Variants in CYFIP1 observed in about 807,000 individuals in gnomAD.
CYFIP1 encodes the protein cytoplasmic FMR1-interacting protein 1.
In CYFIP1, 58 loss-of-function variants were observed where a neutral mutation model predicts 163.5. That is an observed-to-expected ratio of 0.35 (90% CI 0.29 to 0.44). The LOEUF is 0.44. Ranked by LOEUF, CYFIP1 falls within the 20% of genes least tolerant of loss-of-function variation. The pLI is 1.00. For missense variants in CYFIP1, 1,338 were observed against 1,653.8 expected (o/e 0.81, Z 3.31); for synonymous variants, 663 against 660.7 (o/e 1.00, Z -0.05).
At chr15:22,874,676 G>T in intron 27 of CYFIP1, 32 bp from the exon 28 acceptor site, 1 of 1,474,506 alleles carries the variant, frequency 6.8e-7, no homozygotes. Flanking sequence ...ACTATATTCT[G>T]CTCCTTTGTA....
At chr15:22,927,356 C>G (rs773854306) in intron 12 of CYFIP1, among the ~76,000 whole-genome samples, 61 of 151,936 alleles carry the variant, frequency 4.0e-4, no homozygotes, top group East Asian at 9.7e-4. Flanking sequence ...GTGGTGGGCG[C>G]CTGTAATCCC....
intron 23 of CYFIP1, among the ~76,000 whole-genome samples, chr15:22,888,031 A>ATACTAG (rs1389305336): frequency 6.6e-6 from 1 of 152,230 alleles, no homozygotes; most frequent in African/African-American, 2.4e-5. Flanking sequence ...GAGATAAAGA[A>ATACTAG]TACTAGTTAA....
chr15:22,938,332 G>A (rs141472659), intron 8 of CYFIP1, among the ~76,000 whole-genome samples: 1 of 152,322 alleles, frequency 6.6e-6, no homozygotes, highest in East Asian at 1.9e-4. Flanking sequence ...GGCGGGGCAT[G>A]GTGGCTTATG....
In CYFIP1 at chr15:22,947,018, G is replaced by A. The variant is rs150062205; in HGVS notation, c.192C>T (p.Thr64=). The A allele has an allele frequency of 1.2e-5, 19 of 1,613,764 alleles. No homozygotes were observed. The highest frequency in any genetic ancestry group is 2.7e-5 in the African/African-American group (2 of 75,008). ...GCAACATTACCATGCTAGAGTGGACGGTGGCTTGTTCAATGTATCTTGCGA... is the reference window on the plus strand; with the variant it reads ...GCAACATTACCATGCTAGAGTGGACAGTGGCTTGTTCAATGTATCTTGCGA... The part of the protein sequence containing the change: ...TGIARYIEQA[T]VHSSMNEMLE... The change falls in exon 3 of 31, where the codon ACC becomes ACT. Residue 64 remains threonine, a synonymous_variant. Transcript: ENST00000617928.
chr15:22,929,224 C>CAA (rs201923127), intron 11 of CYFIP1, among the ~76,000 whole-genome samples: 1 of 103,658 alleles, frequency 9.6e-6, no homozygotes, highest in Non-Finnish European at 2.1e-5. Flanking sequence ...AACTCCATCT[C>CAA]AAAAAAAAAA....
intron 11 of CYFIP1, among the ~76,000 whole-genome samples, chr15:22,931,729 C>T (rs1469467582): frequency 3.4e-5 from 3 of 88,190 alleles, no homozygotes; most frequent in Non-Finnish European, 4.4e-5. Flanking sequence ...TACAGCTGAA[C>T]AGAGAGAACA....
intron 21 of CYFIP1, among the ~76,000 whole-genome samples, chr15:22,907,302 A>T (rs1197124167): frequency 6.6e-6 from 1 of 152,168 alleles, no homozygotes; most frequent in Non-Finnish European, 1.5e-5. Context: ...CGGGCAGCAC[A>T]ACTCATGTGT....
intron 1 of CYFIP1, among the ~76,000 whole-genome samples, chr15:22,967,446 C>T (rs577474869): frequency 5.5e-4 from 84 of 152,310 alleles, no homozygotes; most frequent in Admixed American, 1.8e-3. Context: ...TACAGGAGTG[C>T]GGCCGACATA....
Position 22,917,262 on chromosome 15 carries a change from A to C in CYFIP1, c.1674+526T>G. ...TAAAAGCCTCCGGCAGAGATGAGGG[A>C]GAAGACCAGCCCCAGGACGGAGGAC... On this transcript the variant is annotated intron_variant, in intron 15 of 30. Transcript: ENST00000617928. The surrounding 1 kb of genome is among the most constrained non-coding windows in gnomAD (Gnocchi z 4.2). 7.2e-7 allele frequency: 1 copy of C among 1,392,694 alleles called. No homozygotes were observed. Among genetic ancestry groups the C allele is most frequent in the Non-Finnish European group, 9.3e-7 (1 of 1,080,554 alleles). The allele number at this position is 1,392,694 out of a possible 1,614,324, so 86.3% of individuals were successfully genotyped here.
At chr15:22,979,996 G>A (rs1194541361) in intron 1 of CYFIP1, among the ~76,000 whole-genome samples, 1 of 152,122 alleles carries the variant, frequency 6.6e-6, no homozygotes, top group African/African-American at 2.4e-5. Flanking sequence ...GCGGGGGCGG[G>A]GAGCTCGGGG....
chr15:22,910,927 T>C (rs2142062522), intron 18 of CYFIP1, 114 bp from the exon 19 acceptor site: 1 of 909,038 alleles, frequency 1.1e-6, no homozygotes, highest in East Asian at 2.4e-5. Context: ...TTTATTTTTT[T>C]GAGACGGAGT....
intron 23 of CYFIP1, among the ~76,000 whole-genome samples, chr15:22,886,694 G>GC (rs370273589): frequency 1.2e-4 from 18 of 152,184 alleles, no homozygotes; most frequent in African/African-American, 4.3e-4. Flanking sequence ...GAGTTTTATG[G>GC]CCCAGCGTAT....
chr15:22,926,015 G>A lies in CYFIP1; in HGVS notation c.1326C>T (p.Asn442=). The change falls in exon 13 of 31, where the codon AAC becomes AAT. Residue 442 remains asparagine, a synonymous_variant. Transcript: ENST00000617928. Reference sequence around the variant, plus strand: ...GGGCAAACTTCTCCTCGCTGGTGTAGTTGTAGCGCGTGGCACGCTCGTACT... The same window carrying A: ...GGGCAAACTTCTCCTCGCTGGTGTAATTGTAGCGCGTGGCACGCTCGTACT... ...AEEYERATRY[N]YTSEEKFALV... 1 of 1,614,124 alleles carries A rather than the reference G, an allele frequency of 6.2e-7. No homozygotes were observed. The highest frequency in any genetic ancestry group is 1.1e-5 in the South Asian group (1 of 91,070).
intron 28 of CYFIP1, among the ~76,000 whole-genome samples, chr15:22,874,293 A>G (rs545119534): frequency 9.2e-5 from 14 of 152,352 alleles, no homozygotes; most frequent in African/African-American, 1.7e-4. Context: ...AGGGCTGGAC[A>G]GTGAAAGTGA....
Position 22,894,570 on chromosome 15 carries a change from A to G in CYFIP1, c.2589-1593T>C, listed in dbSNP as rs537894643. Among the ~76,000 whole-genome samples, 42 of 151,450 alleles carry G rather than the reference A, an allele frequency of 2.8e-4. 1 individual carries two copies. In the Middle Eastern group the frequency reaches 0.01, roughly 37 times the overall value. Reference sequence around the variant, plus strand: ...CTCCCGAAGTGCTGGGATTACAGGCATGAGCCACCACGCCCGGCCTAGAGG... The same window carrying G: ...CTCCCGAAGTGCTGGGATTACAGGCGTGAGCCACCACGCCCGGCCTAGAGG... On this transcript the variant is annotated intron_variant, in intron 22 of 30. Transcript: ENST00000617928.
intron 14 of CYFIP1, 128 bp downstream of exon 14, chr15:22,918,564 A>T: frequency 1.2e-6 from 1 of 821,628 alleles, no homozygotes; most frequent in Non-Finnish European, 1.8e-6. Context: ...ATTCACCAAG[A>T]GGGCATCTGA....
intron 11 of CYFIP1, among the ~76,000 whole-genome samples, chr15:22,928,885 G>A (rs1219694175): frequency 2.0e-5 from 3 of 151,968 alleles, no homozygotes; most frequent in Admixed American, 6.6e-5. Context: ...CCACTGAGAG[G>A]ACCCTGAGCA....
At chr15:22,888,195 GCA>G (rs1431671894) in intron 23 of CYFIP1, among the ~76,000 whole-genome samples, 1 of 152,086 alleles carries the variant, frequency 6.6e-6, no homozygotes, top group African/African-American at 2.4e-5. Flanking sequence ...CATAAAAAAA[GCA>G]CTAATCTGTT....
intron 6 of CYFIP1, among the ~76,000 whole-genome samples, chr15:22,941,992 T>G (rs1359783509): frequency 6.6e-6 from 1 of 152,190 alleles, no homozygotes; most frequent in African/African-American, 2.4e-5. Flanking sequence ...GATGCTAGAT[T>G]CCCACAGATG....
Sources: gnomAD v4.1 joint callset for allele counts (sites outside exome capture counted in the v4.1 genomes callset) on GRCh38, gnomAD v4.1.1 for gene constraint, Gnocchi (gnomAD v3.1) non-coding constraint, MANE v1.5 for transcripts, NCBI Gene and HGNC (gene_info 2026-07-23, HGNC 2026-07-21) for gene names.